Variants in MEGF8 observed in about 807,000 individuals in gnomAD.
MEGF8 encodes the protein multiple epidermal growth factor-like domains protein 8.
In MEGF8, 156 loss-of-function variants were observed where a neutral mutation model predicts 302.9. The ratio of observed to expected loss-of-function variants is 0.52; its 90% CI spans 0.45 to 0.59. The LOEUF is 0.59. Among genes scored for constraint, MEGF8 ranks in the 20% least tolerant of loss-of-function variants. The pLI, the probability that MEGF8 is intolerant of heterozygous loss-of-function variation, is 0.00. For synonymous variants in MEGF8, 1,621 were observed against 1,660.5 expected, an observed-to-expected ratio of 0.98 and a Z score of 0.58; for missense variants, 3,345 against 3,964.5, an observed-to-expected ratio of 0.84 and a Z score of 4.20.
Position 42,353,884 on chromosome 19 carries a change from G to A in MEGF8, c.3871G>A (p.Gly1291Arg), listed in dbSNP as rs755312971. The change falls in exon 22 of 42, where the codon GGG (glycine) becomes AGG (arginine). Residue 1291 changes from glycine (G) to arginine (R), a missense_variant. Transcript: ENST00000251268. This position sits in a 1 kb window ranked among gnomAD's most constrained non-coding sequence, Gnocchi z 6.1. ...RVGGLLPPGGGAARAGPGLSY... is the reference protein window; with the variant it reads ...RVGGLLPPGGRAARAGPGLSY... ...CGGGGGGCTGCTGCCTCCAGGTGGCGGGGCTGCAAGAGCCGGGCCTGGCCT... is the reference window on the plus strand; with the variant it reads ...CGGGGGGCTGCTGCCTCCAGGTGGCAGGGCTGCAAGAGCCGGGCCTGGCCT... 11 of 1,597,290 alleles carry A rather than the reference G, an allele frequency of 6.9e-6. No homozygotes were observed. The highest frequency in any genetic ancestry group is 2.3e-5 in the South Asian group (2 of 88,766).
At chr19:42,333,955 A>C (rs2039088334) in intron 2 of MEGF8, 52 bp from the exon 3 acceptor site, 1 of 1,572,980 alleles carries the variant, frequency 6.4e-7, no homozygotes, top group Admixed American at 1.8e-5. Flanking sequence ...CCACCCTCCC[A>C]GGACAATCCC....
chr19:42,333,899 G>C, intron 2 of MEGF8, 108 bp from the exon 3 acceptor site: 1 of 1,515,854 alleles, frequency 6.6e-7, no homozygotes, highest in Non-Finnish European at 8.9e-7. Flanking sequence ...GCAAAGGAAG[G>C]AGATGAGGCT....
Position 42,363,056 on chromosome 19 carries a change from C to A in MEGF8, c.6067C>A (p.Arg2023Ser). 3 of 1,612,524 alleles carry A rather than the reference C, an allele frequency of 1.9e-6. No individual in the cohort carries two copies. The highest frequency in any genetic ancestry group is 2.5e-6 in the Non-Finnish European group (3 of 1,179,350). The change falls in exon 35 of 42, where the codon CGC (arginine) becomes AGC (serine). Residue 2023 changes from arginine to serine, a missense_variant. By Grantham distance (110) the Arg-to-Ser change is moderately radical. Transcript: ENST00000251268. ...TRQFKRTGETRRILSVQPTYD... is the reference protein window; with the variant it reads ...TRQFKRTGETSRILSVQPTYD... The stretch of plus-strand genomic sequence containing the variant: ...CCGTGCCCCACCCCCAGGGGAGACC[C>A]GCCGCATCCTCTCCGTGCAGCCCAC...
intron 13 of MEGF8, among the ~76,000 whole-genome samples, chr19:42,349,009 G>T (rs1488575741): frequency 6.6e-6 from 1 of 152,168 alleles, no homozygotes; most frequent in East Asian, 1.9e-4. Flanking sequence ...GACTTGAAAG[G>T]CCCCTGAAGG....
At chr19:42,346,282 G>T (rs1205055555) in intron 12 of MEGF8, among the ~76,000 whole-genome samples, 1 of 152,156 alleles carries the variant, frequency 6.6e-6, no homozygotes, top group African/African-American at 2.4e-5. Context: ...GGCTGGGCAC[G>T]GTGGCTCACG....
intron 35 of MEGF8, among the ~76,000 whole-genome samples, chr19:42,365,772 TAAAAAAAAAA>T (rs771190592): frequency 1.7e-5 from 1 of 57,654 alleles, no homozygotes; most frequent in South Asian, 5.3e-4. Context: ...ACCCCGTCTC[TAAAAAAAAAA>T]AAAAAAAAAA....
intron 4 of MEGF8, 36 bp downstream of exon 4, chr19:42,335,251 C>G (rs1362673103): frequency 6.2e-7 from 1 of 1,613,970 alleles, no homozygotes; most frequent in Admixed American, 1.7e-5. Context: ...GATCTGGAGG[C>G]CCGGCAGCCT....
rs2039778862 is a variant in MEGF8, at chr19:42,376,966, G to T, written c.*191G>T. 2 of 566,272 alleles carry T rather than the reference G, an allele frequency of 3.5e-6. No homozygotes were observed. The highest frequency in any genetic ancestry group is 3.9e-5 in the African/African-American group (2 of 51,518). The allele number at this position is 566,272 out of a possible 1,614,324, so 35.1% of individuals were successfully genotyped here. On this transcript the variant is annotated 3_prime_UTR_variant, in exon 42 of 42. Coordinates refer to ENST00000251268, the MANE Select transcript of MEGF8 (RefSeq NM_001271938.2). This position sits in a 1 kb window ranked among gnomAD's most constrained non-coding sequence, Gnocchi z 8.2. ...TATTTATCGAGTACCTACTCTGTCAGGCACTGTCATAGGCGTGGGGCAAAG... is the reference window on the plus strand; with the variant it reads ...TATTTATCGAGTACCTACTCTGTCATGCACTGTCATAGGCGTGGGGCAAAG...
At chr19:42,361,152 G>C in intron 32 of MEGF8, 146 bp downstream of exon 32, 1 of 827,466 alleles carries the variant, frequency 1.2e-6, no homozygotes, top group Non-Finnish European at 1.8e-6. Flanking sequence ...GGCCGGGGGA[G>C]CTCTGAGTGG....
At position 42,358,673 on chromosome 19, in the gene MEGF8, G is replaced by A. The variant is rs1231036723; in HGVS notation, c.5176-114G>A. 3 of 1,290,056 alleles carry A rather than the reference G, an allele frequency of 2.3e-6. No individual in the cohort carries two copies. The highest frequency in any genetic ancestry group is 3.1e-6 in the Non-Finnish European group (3 of 956,818). The allele number at this position is 1,290,056 out of a possible 1,614,324, so 79.9% of individuals were successfully genotyped here. Reference sequence around the variant, plus strand: ...AGGGCAGGGAGCCCTGTCTGCACTGGTTAGAGAGGCTGGTGGTTTCAGTCC... The same window carrying A: ...AGGGCAGGGAGCCCTGTCTGCACTGATTAGAGAGGCTGGTGGTTTCAGTCC... On this transcript the variant is annotated intron_variant, in intron 29 of 41. Coordinates refer to ENST00000251268, the MANE Select transcript of MEGF8 (RefSeq NM_001271938.2). The surrounding 1 kb of genome is among the most constrained non-coding windows in gnomAD (Gnocchi z 4.4).
intron 1 of MEGF8, 149 bp downstream of exon 1, chr19:42,326,579 C>T (rs1027220421): frequency 3.0e-6 from 4 of 1,318,702 alleles, no homozygotes; most frequent in Non-Finnish European, 4.0e-6. Flanking sequence ...CAACCTGGGC[C>T]CTGCCCTGGA....
chr19:42,330,797 G>A (rs746064157), intron 1 of MEGF8, among the ~76,000 whole-genome samples: 4 of 152,122 alleles, frequency 2.6e-5, no homozygotes, highest in Non-Finnish European at 5.9e-5. Flanking sequence ...CCCTGGAGAG[G>A]GGGCATCTAA....
In MEGF8 at chr19:42,358,948, G is replaced by A; in HGVS notation, c.5337G>A (p.Leu1779=). 1 of 1,609,476 alleles carries A rather than the reference G, an allele frequency of 6.2e-7. No individual in the cohort carries two copies. The highest frequency in any genetic ancestry group is 8.5e-7 in the Non-Finnish European group (1 of 1,178,092). Reference sequence around the variant, plus strand: ...TCCTGGAGGAAATCTCACCTCACCTGAAGGAGGTGAGATTTGAAGAGGGTT... The same window carrying A: ...TCCTGGAGGAAATCTCACCTCACCTAAAGGAGGTGAGATTTGAAGAGGGTT... ...GGFLEEISPH[L]KEPRPRLFHA... is the part of the protein sequence containing the mutation. The change falls in exon 30 of 42, where the codon CTG becomes CTA. Residue 1779 remains leucine (L), a synonymous_variant. Transcript: ENST00000251268. The surrounding 1 kb of genome is among the most constrained non-coding windows in gnomAD (Gnocchi z 4.4).
intron 8 of MEGF8, among the ~76,000 whole-genome samples, chr19:42,342,340 C>G (rs2039226155): frequency 6.6e-6 from 1 of 152,168 alleles, no homozygotes; most frequent in Admixed American, 6.5e-5. Context: ...CTGGCTTAAG[C>G]AAAAAGGAGA....
intron 1 of MEGF8, among the ~76,000 whole-genome samples, chr19:42,331,007 G>T (rs1400488986): frequency 6.6e-6 from 1 of 152,134 alleles, no homozygotes; most frequent in Non-Finnish European, 1.5e-5. Context: ...CAGGGCTTTG[G>T]GGCAGGGGAG....
chr19:42,334,253 T>C (rs2039093198), intron 3 of MEGF8, 40 bp downstream of exon 3: 1 of 1,533,170 alleles, frequency 6.5e-7, no homozygotes, highest in Admixed American at 1.9e-5. Context: ...GGGGCCCTGA[T>C]CTGTGAGCGC....
At chr19:42,355,702 G>A in intron 23 of MEGF8, 56 bp from the exon 24 acceptor site, 2 of 1,496,998 alleles carry the variant, frequency 1.3e-6, no homozygotes, top group Admixed American at 2.2e-5. Context: ...GCATCTGGGG[G>A]TGGAAGGGGC....
intron 8 of MEGF8, among the ~76,000 whole-genome samples, chr19:42,340,953 C>T (rs2039203301): frequency 6.6e-6 from 1 of 152,156 alleles, no homozygotes. Context: ...CAGGCATGAG[C>T]CACCACGCCC....
Position 42,337,038 on chromosome 19 carries a change from C to A in MEGF8, c.1391-46C>A, listed in dbSNP as rs756203011. 7.4e-6 allele frequency: 12 copies of A among 1,612,658 alleles called. No homozygotes were observed. In the East Asian group the frequency reaches 2.7e-4, roughly 36 times the overall value. ...GAGGCTCCCTGCAGGGGAGTCCCCCCACCTCCCCTAGGCTTGCCAGCTATG... is the reference window on the plus strand; with the variant it reads ...GAGGCTCCCTGCAGGGGAGTCCCCCAACCTCCCCTAGGCTTGCCAGCTATG... On this transcript the variant is annotated intron_variant, in intron 7 of 41. Transcript: ENST00000251268.
Sources: gnomAD v4.1 joint callset for allele counts (sites outside exome capture counted in the v4.1 genomes callset) on GRCh38, gnomAD v4.1.1 for gene constraint, Gnocchi (gnomAD v3.1) non-coding constraint, MANE v1.5 for transcripts, NCBI Gene and HGNC (gene_info 2026-07-23, HGNC 2026-07-21) for gene names.